Variants in TBC1D5 observed in about 807,000 individuals in gnomAD.
TBC1D5 encodes the protein TBC1 domain family, member 5.
In TBC1D5, 75 loss-of-function variants were observed where a neutral mutation model predicts 100.3. The observed-to-expected ratio is 0.75, with a 90% CI of 0.62 to 0.91. The LOEUF is 0.91. TBC1D5 is among the 40% of genes least tolerant of loss of function. The pLI is 0.00. For synonymous variants in TBC1D5, 323 were observed against 325.6 expected, an observed-to-expected ratio of 0.99 and a Z score of 0.09; for missense variants, 910 against 942.4, an observed-to-expected ratio of 0.97 and a Z score of 0.45.
rs1485299549 is a variant in TBC1D5, at chr3:17,452,086, C to CTAT, written c.98-23570_98-23568dup. Among the ~76,000 whole-genome samples, 3 of 151,868 alleles carry CTAT rather than the reference C, an allele frequency of 2.0e-5. No homozygotes were observed. In the South Asian group the frequency reaches 6.3e-4, roughly 32 times the overall value. On this transcript the variant is annotated intron_variant, in intron 3 of 21. Transcript: ENST00000253692. ...TGTTTACACAATCAGTGTTAAGTTG[C>CTAT]TATCAGTTTAAAGTAATGAGTTATA...
chr3:17,707,585 C>T (rs1430850173), intron 1 of TBC1D5, among the ~76,000 whole-genome samples: 2 of 152,012 alleles, frequency 1.3e-5, no homozygotes, highest in African/African-American at 4.8e-5. Context: ...GCCACTTATT[C>T]CTATATATTC....
chr3:17,665,841 G>A (rs921514799), intron 1 of TBC1D5, among the ~76,000 whole-genome samples: 2 of 152,134 alleles, frequency 1.3e-5, no homozygotes, highest in South Asian at 4.1e-4. Context: ...AGGATCATCT[G>A]CAAACTCTTG....
intron 1 of TBC1D5, among the ~76,000 whole-genome samples, chr3:17,636,918 T>C (rs895131042): frequency 6.6e-6 from 1 of 152,148 alleles, no homozygotes. Context: ...TTGATAATGA[T>C]AAAAATTTGT....
exon 22 of TBC1D5, chr3:17,158,186 C>T (rs2065751834): frequency 1.3e-5 from 2 of 152,150 alleles, no homozygotes; most frequent in South Asian, 2.1e-4. Flanking sequence ...ACTCAAATTC[C>T]AATCTGATCA....
At chr3:17,695,476 C>T (rs1415873291) in intron 1 of TBC1D5, among the ~76,000 whole-genome samples, 2 of 152,038 alleles carry the variant, frequency 1.3e-5, no homozygotes, top group Admixed American at 6.6e-5. Flanking sequence ...GACTATAAAC[C>T]AATAAAGATC....
At chr3:17,578,341 G>T (rs1251522660) in intron 2 of TBC1D5, among the ~76,000 whole-genome samples, 1 of 151,752 alleles carries the variant, frequency 6.6e-6, no homozygotes, top group Non-Finnish European at 1.5e-5. Context: ...TATTCTCTTG[G>T]GAATCTACAA....
At chr3:17,165,025 A>T (rs2066448858) in intron 21 of TBC1D5, among the ~76,000 whole-genome samples, 1 of 152,216 alleles carries the variant, frequency 6.6e-6, no homozygotes, top group South Asian at 2.1e-4. Flanking sequence ...TGGGGTCTTC[A>T]GCCCCAGGAA....
Position 17,408,268 on chromosome 3 carries a change from A to AACACACAC in TBC1D5, c.168-1750_168-1743dup, listed in dbSNP as rs3041146. Among the ~76,000 whole-genome samples the AACACACAC allele has an allele frequency of 4.9e-3, 703 of 144,096 alleles. 2 individuals carry two copies. The highest frequency in any genetic ancestry group is 0.012 in the East Asian group (53 of 4,600). The allele number at this position is 144,096 out of a possible 152,430, so 94.5% of individuals were successfully genotyped here. On this transcript the variant is annotated intron_variant, in intron 4 of 21. Transcript: ENST00000253692. ...ATGAAAAGCCCTCAGAAGACTATCC[A>AACACACAC]ACACACACACACACACACACACACA...
In TBC1D5 at chr3:17,505,216, T is replaced by C. The variant is rs944766676; in HGVS notation, c.97+3258A>G. On this transcript the variant is annotated intron_variant, in intron 3 of 21. Transcript: ENST00000253692. ...GACATACAAAATTTAAGGAGGTGAA[T>C]TGATCAGGGGCTGATCCTTCATGAA... Among the ~76,000 whole-genome samples, 7 of 152,084 alleles carry C rather than the reference T, an allele frequency of 4.6e-5. No individual in the cohort carries two copies. The South Asian group carries it at 8.3e-4, about 18-fold the overall frequency.
At chr3:17,379,338 G>C (rs575991681) in intron 9 of TBC1D5, among the ~76,000 whole-genome samples, 11 of 152,050 alleles carry the variant, frequency 7.2e-5, no homozygotes, top group Non-Finnish European at 1.5e-4. Flanking sequence ...ATGCCCTTTT[G>C]AAAGAAATAG....
At chr3:17,621,392 A>G (rs1375061229) in intron 2 of TBC1D5, among the ~76,000 whole-genome samples, 1 of 152,198 alleles carries the variant, frequency 6.6e-6, no homozygotes, top group African/African-American at 2.4e-5. Flanking sequence ...AAACAATCAG[A>G]GCTCCTCAGA....
intron 18 of TBC1D5, among the ~76,000 whole-genome samples, chr3:17,197,293 T>C (rs1403983197): frequency 6.6e-6 from 1 of 152,238 alleles, no homozygotes; most frequent in Non-Finnish European, 1.5e-5. Context: ...GTTCCTACTT[T>C]GTTTCATGTG....
intron 17 of TBC1D5, among the ~76,000 whole-genome samples, chr3:17,225,107 G>C (rs746057507): frequency 6.6e-6 from 1 of 152,058 alleles, no homozygotes; most frequent in Non-Finnish European, 1.5e-5. Context: ...TCCACACCTG[G>C]ATATTTAACC....
intron 14 of TBC1D5, among the ~76,000 whole-genome samples, chr3:17,307,692 T>C (rs1419310516): frequency 6.6e-6 from 1 of 152,198 alleles, no homozygotes; most frequent in African/African-American, 2.4e-5. Flanking sequence ...CTTTTATATA[T>C]GCATTTCACA....
rs190902865 is a variant in TBC1D5 at position 17,226,494 on chromosome 3, T to G, written c.1588+11669A>C. On this transcript the variant is annotated intron_variant, in intron 17 of 21. Coordinates refer to ENST00000253692, the Ensembl canonical transcript of TBC1D5. ...AAATGCTGGCTGTTGATGGCTCCCC[T>G]GAGTTCTTCTCTGGAAACTGCCCGC... Among the ~76,000 whole-genome samples the G allele has an allele frequency of 1.4e-3, 218 of 152,160 alleles. 2 individuals carry two copies. Among genetic ancestry groups the G allele is most frequent in the African/African-American group, 5.0e-3 (206 of 41,504 alleles).
chr3:17,572,714 G>A (rs2096635030), intron 2 of TBC1D5, among the ~76,000 whole-genome samples: 1 of 152,000 alleles, frequency 6.6e-6, no homozygotes, highest in Admixed American at 6.6e-5. Context: ...GACCACTTTT[G>A]GCACTTCACT....
intron 13 of TBC1D5, among the ~76,000 whole-genome samples, chr3:17,323,280 G>A (rs554436156): frequency 6.6e-6 from 1 of 152,216 alleles, no homozygotes; most frequent in South Asian, 2.1e-4. Context: ...CAGCATTACT[G>A]GCATTCCAAA....
chr3:17,411,571 A>G (rs564237530), intron 4 of TBC1D5, among the ~76,000 whole-genome samples: 2 of 152,274 alleles, frequency 1.3e-5, no homozygotes, highest in East Asian at 3.9e-4. Context: ...TCCAGATAAG[A>G]GAGGGAAGTA....
intron 1 of TBC1D5, among the ~76,000 whole-genome samples, chr3:17,733,723 T>A (rs554103756): frequency 2.0e-5 from 3 of 151,754 alleles, no homozygotes; most frequent in Admixed American, 2.0e-4. Flanking sequence ...TTAAGAAAAA[T>A]CATTCTAGCA....
Sources: allele counts gnomAD v4.1 joint callset (sites outside exome capture counted in the v4.1 genomes callset), GRCh38; gene constraint gnomAD v4.1.1; transcripts MANE v1.5; gene names NCBI Gene and HGNC (gene_info 2026-07-23, HGNC 2026-07-21).